Variants in APP observed in about 807,000 individuals in gnomAD.
APP encodes the protein amyloid beta precursor protein, also known as amyloid-beta precursor protein.
In APP, 31 loss-of-function variants were observed where a neutral mutation model predicts 101.4. That is an observed-to-expected ratio of 0.31 (90% confidence interval 0.23 to 0.41). The LOEUF (loss-of-function observed/expected upper bound fraction) is 0.41. APP is among the 10% of genes least tolerant of loss of function. APP has a pLI of 1.00. For missense variants in APP, 839 were observed against 1,003.7 expected (o/e 0.84, Z 2.22); for synonymous variants, 366 against 364.4 (o/e 1.00, Z -0.05).
At chr21:26,056,855 C>T (rs2830030) in intron 3 of APP, among the ~76,000 whole-genome samples, 26,603 of 152,174 alleles carry the variant, frequency 0.17, 2,917 homozygotes, top group Admixed American at 0.27. Context: ...GCTTACATTA[C>T]TTTTAAAATT....
chr21:25,929,519 A>G (rs1413534020), intron 13 of APP, among the ~76,000 whole-genome samples: 2 of 152,144 alleles, frequency 1.3e-5, no homozygotes, highest in Admixed American at 6.5e-5. Flanking sequence ...AGTCTTTGGA[A>G]TGAGGATAAT....
At chr21:25,934,437 G>A (rs1474698802) in intron 13 of APP, 1 of 152,010 alleles carries the variant, frequency 6.6e-6, no homozygotes, top group African/African-American at 2.4e-5. Context: ...GGAATAGAAT[G>A]TGGTTTCTTT....
At chr21:26,030,989 T>C (rs1343180985) in intron 5 of APP, among the ~76,000 whole-genome samples, 1 of 152,148 alleles carries the variant, frequency 6.6e-6, no homozygotes, top group Non-Finnish European at 1.5e-5. Context: ...GAAGGAAAGA[T>C]ATAAGAAAAC....
In APP at chr21:25,955,702, G is replaced by C. The variant is rs1004883499; in HGVS notation, c.1512C>G (p.Asp504Glu). 1 of 1,614,168 alleles carries C rather than the reference G, an allele frequency of 6.2e-7. No individual in the cohort carries two copies. Among genetic ancestry groups the C allele is most frequent in the Admixed American group, 1.7e-5 (1 of 60,016 alleles). The stretch of plus-strand genomic sequence containing the variant: ...CGAAATGCTTTAGGGTGTGCTGTCT[G>C]TCCTTCTGTTCTGCGCGGACATACT... Reference protein sequence around the residue: ...LKKYVRAEQKDRQHTLKHFEH... With the variant: ...LKKYVRAEQKERQHTLKHFEH... The change falls in exon 12 of 18, where the codon GAC (aspartate) becomes GAG (glutamate). Residue 504 changes from aspartate (D) to glutamate (E), a missense_variant. Asp to Glu is a conservative substitution (Grantham distance 45). Transcript: ENST00000346798.
At chr21:26,093,927 A>G (rs947892172) in intron 2 of APP, among the ~76,000 whole-genome samples, 4 of 152,124 alleles carry the variant, frequency 2.6e-5, no homozygotes, top group Admixed American at 2.6e-4. Context: ...CATCCTGGCC[A>G]ACATGGTGAA....
At chr21:26,073,991 A>G (rs1255594454) in intron 3 of APP, among the ~76,000 whole-genome samples, 1 of 152,226 alleles carries the variant, frequency 6.6e-6, no homozygotes, top group Non-Finnish European at 1.5e-5. Flanking sequence ...TATTCATAAA[A>G]ATATAGCAAC....
intron 15 of APP, among the ~76,000 whole-genome samples, chr21:25,902,626 T>A (rs1472747603): frequency 6.8e-6 from 1 of 146,220 alleles, no homozygotes; most frequent in Non-Finnish European, 1.5e-5. Flanking sequence ...TCTTTGCCAA[T>A]CCAGGTGCCT....
intron 9 of APP, 38 bp from the exon 10 acceptor site, chr21:25,976,066 G>C: frequency 6.6e-7 from 1 of 1,521,860 alleles, no homozygotes; most frequent in Non-Finnish European, 9.1e-7. Context: ...AAAATCATCA[G>C]TTCATCCTTT....
At chr21:25,966,586 CA>C (rs1475872301) in intron 11 of APP, among the ~76,000 whole-genome samples, 2 of 152,130 alleles carry the variant, frequency 1.3e-5, no homozygotes, top group Non-Finnish European at 2.9e-5. Flanking sequence ...AAGAACTCAG[CA>C]AATAATTTTT....
intron 11 of APP, among the ~76,000 whole-genome samples, chr21:25,968,313 T>C (rs1310259448): frequency 6.8e-6 from 1 of 147,874 alleles, no homozygotes; most frequent in Non-Finnish European, 1.5e-5. Context: ...CCTGGCTAAT[T>C]AAAAAAATCT....
chr21:26,079,928 A>T (rs2061563196), intron 3 of APP, among the ~76,000 whole-genome samples: 1 of 152,132 alleles, frequency 6.6e-6, no homozygotes, highest in Non-Finnish European at 1.5e-5. Flanking sequence ...GTTCGAAACC[A>T]GCCTGGCCAA....
chr21:26,137,744 G>A (rs2062952025), intron 1 of APP, among the ~76,000 whole-genome samples: 1 of 152,106 alleles, frequency 6.6e-6, no homozygotes, highest in Non-Finnish European at 1.5e-5. Context: ...ATATAAGTCA[G>A]AGTAAAAAAC....
At chr21:25,893,294 C>T (rs1342167837) in intron 16 of APP, among the ~76,000 whole-genome samples, 1 of 152,094 alleles carries the variant, frequency 6.6e-6, no homozygotes, top group East Asian at 1.9e-4. Context: ...TGAAAGTGGG[C>T]CAGTAAATAA....
chr21:25,938,211 ACT>A (rs912656226), intron 13 of APP, among the ~76,000 whole-genome samples: 1 of 152,030 alleles, frequency 6.6e-6, no homozygotes, highest in South Asian at 2.1e-4. Context: ...ACCCAAATAA[ACT>A]CTCTATGCAT....
chr21:26,170,586 G>A lies in APP; in HGVS notation c.35C>T (p.Ala12Val), dbSNP rs1601618931. The stretch of plus-strand genomic sequence containing the variant: ...CACCTCCAGCGCCCGAGCCGTCCAG[G>A]CGGCCAGCAGGAGCAGTGCCAAACC... ...LPGLALLLLA[A>V]WTARALEVPT... The change falls in exon 1 of 18, where the codon GCC (alanine) becomes GTC (valine). Residue 12 changes from alanine (A) to valine (V), a missense_variant. By Grantham distance (64) the Ala-to-Val change is moderately conservative. Transcript: ENST00000346798. 6.5e-7 allele frequency: 1 copy of A among 1,538,826 alleles called. No individual in the cohort carries two copies. The highest frequency in any genetic ancestry group is 1.2e-5 in the South Asian group (1 of 83,888).
intron 1 of APP, among the ~76,000 whole-genome samples, chr21:26,139,957 C>T (rs2063005083): frequency 6.6e-6 from 1 of 152,218 alleles, no homozygotes; most frequent in Non-Finnish European, 1.5e-5. Context: ...ACAAAGAGAA[C>T]AATCACACTG....
intron 1 of APP, among the ~76,000 whole-genome samples, chr21:26,165,716 C>T (rs1389105867): frequency 5.9e-5 from 9 of 152,174 alleles, no homozygotes; most frequent in Non-Finnish European, 1.3e-4. Context: ...AAGGTTCAAG[C>T]TAAATCTCTA....
intron 8 of APP, among the ~76,000 whole-genome samples, chr21:25,990,043 C>T (rs1385761328): frequency 6.6e-6 from 1 of 151,972 alleles, no homozygotes; most frequent in Non-Finnish European, 1.5e-5. Context: ...CCATTTATAA[C>T]AAGAAAATAC....
intron 3 of APP, among the ~76,000 whole-genome samples, chr21:26,078,933 C>T (rs772066724): frequency 4.0e-5 from 6 of 151,408 alleles, no homozygotes; most frequent in Non-Finnish European, 7.4e-5. Flanking sequence ...ATCCCAGCTA[C>T]TTGGCAGGCT....
Sources: allele counts gnomAD v4.1 joint callset (sites outside exome capture counted in the v4.1 genomes callset), GRCh38; gene constraint gnomAD v4.1.1; transcripts MANE v1.5; gene names NCBI Gene and HGNC (gene_info 2026-07-23, HGNC 2026-07-21).